Variants in UBE3D observed in about 807,000 individuals in gnomAD.
UBE3D encodes the protein E3 ubiquitin-protein ligase E3D.
In UBE3D, 48 loss-of-function variants were observed where a neutral mutation model predicts 49.6. That is an observed-to-expected ratio of 0.97 (90% CI 0.77 to 1.23). The LOEUF (loss-of-function observed/expected upper bound fraction) is 1.23, where lower values mean the gene tolerates loss of function less well. UBE3D is among the 50% of genes most tolerant of loss of function. UBE3D has a pLI of 0.00. For missense variants in UBE3D, 452 were observed against 468.4 expected, an observed-to-expected ratio of 0.96 and a Z score of 0.32; for synonymous variants, 189 against 174.2, an observed-to-expected ratio of 1.08 and a Z score of -0.67.
chr6:83,029,190 AT>A (rs1446128485), intron 5 of UBE3D, among the ~76,000 whole-genome samples: 1 of 151,798 alleles, frequency 6.6e-6, no homozygotes, highest in African/African-American at 2.4e-5. Flanking sequence ...TTTTGTATAA[AT>A]TTTTTTTCTG....
At chr6:82,971,663 ATCC>A (rs1399399815) in intron 8 of UBE3D, among the ~76,000 whole-genome samples, 1 of 152,078 alleles carries the variant, frequency 6.6e-6, no homozygotes, top group Non-Finnish European at 1.5e-5. Flanking sequence ...GCCTCAAGTG[ATCC>A]TCCTGTCTTG....
chr6:82,996,771 A>G (rs1779269618), intron 8 of UBE3D, among the ~76,000 whole-genome samples: 1 of 152,236 alleles, frequency 6.6e-6, no homozygotes, highest in Non-Finnish European at 1.5e-5. Flanking sequence ...ATGCCTAACC[A>G]ATACTCCTCA....
chr6:82,984,030 GAT>G (rs554036060), intron 8 of UBE3D, among the ~76,000 whole-genome samples: 61 of 152,172 alleles, frequency 4.0e-4, no homozygotes, highest in African/African-American at 1.4e-3. Context: ...TATGAAATCA[GAT>G]ATATTTTTAA....
intron 8 of UBE3D, among the ~76,000 whole-genome samples, chr6:82,958,146 G>A (rs1776299513): frequency 2.0e-5 from 3 of 152,218 alleles, no homozygotes; most frequent in African/African-American, 4.8e-5. Context: ...AGAAGTAAAG[G>A]GATCTGTCTG....
the UBE3D span, among the ~76,000 whole-genome samples, chr6:82,885,094 T>G: frequency 2.0e-5 from 3 of 151,988 alleles, no homozygotes; most frequent in African/African-American, 7.2e-5. Flanking sequence ...CAAAGCTGAC[T>G]GGAGATGGAA....
intron 8 of UBE3D, among the ~76,000 whole-genome samples, chr6:82,986,880 T>C (rs533395852): frequency 6.7e-6 from 1 of 149,694 alleles, no homozygotes; most frequent in Admixed American, 6.7e-5. Flanking sequence ...ATAAATTAAT[T>C]ATATTATACA....
At chr6:82,974,578 T>C (rs1777583465) in intron 8 of UBE3D, among the ~76,000 whole-genome samples, 1 of 152,178 alleles carries the variant, frequency 6.6e-6, no homozygotes, top group South Asian at 2.1e-4. Flanking sequence ...AACCCCTGAA[T>C]ATTTTCCATC....
chr6:83,047,682 T>TG (rs1783159710), intron 3 of UBE3D, among the ~76,000 whole-genome samples: 1 of 152,158 alleles, frequency 6.6e-6, no homozygotes, highest in Admixed American at 6.5e-5. Flanking sequence ...AGACCCTTGG[T>TG]GGCCACTAAA....
intron 9 of UBE3D, among the ~76,000 whole-genome samples, chr6:82,934,679 G>A (rs536458421): frequency 7.3e-5 from 11 of 151,694 alleles, no homozygotes; most frequent in African/African-American, 2.7e-4. Context: ...TTAACAAGTA[G>A]AAGAATAAGC....
rs148673566 is a variant in UBE3D at position 82,937,598 on chromosome 6, T to C, written c.1149+19714A>G. Among the ~76,000 whole-genome samples the C allele has an allele frequency of 5.1e-3, 779 of 152,254 alleles. 29 individuals carry two copies. The highest frequency in any genetic ancestry group is 0.049 in the Admixed American group (743 of 15,284). On this transcript the variant is annotated intron_variant, in intron 9 of 9. Coordinates refer to ENST00000369747, the MANE Select transcript of UBE3D (RefSeq NM_198920.3). ...AGGCTCACATTTTAGAAATCTTTCTTGGAGTAACTATACTTATAAGTAAAA... is the reference window on the plus strand; with the variant it reads ...AGGCTCACATTTTAGAAATCTTTCTCGGAGTAACTATACTTATAAGTAAAA...
intron 5 of UBE3D, chr6:83,037,545 G>C (rs1350243282): frequency 1.3e-5 from 2 of 151,894 alleles, no homozygotes; most frequent in Non-Finnish European, 2.9e-5. Context: ...TTCCTTTCTG[G>C]CTCACTGTGA....
intron 8 of UBE3D, among the ~76,000 whole-genome samples, chr6:82,984,853 C>A (rs1408669807): frequency 2.0e-4 from 30 of 151,906 alleles, no homozygotes; most frequent in Non-Finnish European, 8.8e-5. Flanking sequence ...CACTCTGTTG[C>A]CCTGGCTGGA....
intron 8 of UBE3D, among the ~76,000 whole-genome samples, chr6:83,002,913 C>T (rs1359939151): frequency 5.9e-5 from 9 of 152,250 alleles, no homozygotes; most frequent in East Asian, 5.8e-4. Context: ...TTTGTTATAG[C>T]GGCACAACAG....
At chr6:82,900,362 G>A (rs1771641586) in intron 9 of UBE3D, among the ~76,000 whole-genome samples, 1 of 152,152 alleles carries the variant, frequency 6.6e-6, no homozygotes, top group Admixed American at 6.6e-5. Flanking sequence ...TAAGAAGCAT[G>A]GCTGGTGAAG....
At chr6:82,923,495 T>A (rs748300715) in intron 9 of UBE3D, among the ~76,000 whole-genome samples, 5 of 151,632 alleles carry the variant, frequency 3.3e-5, no homozygotes, top group Non-Finnish European at 5.9e-5. Flanking sequence ...CACTCATAAG[T>A]GGGAGTTGAA....
intron 8 of UBE3D, among the ~76,000 whole-genome samples, chr6:82,964,871 T>A (rs1374194307): frequency 6.6e-6 from 1 of 152,160 alleles, no homozygotes; most frequent in East Asian, 1.9e-4. Context: ...AAATAGACCC[T>A]GAAAAAATGC....
the UBE3D span, among the ~76,000 whole-genome samples, chr6:82,886,991 ATTGAGT>A: frequency 6.6e-6 from 1 of 152,236 alleles, no homozygotes; most frequent in East Asian, 1.9e-4. Context: ...AGTGCCCTAT[ATTGAGT>A]TTATTATTCA....
intron 8 of UBE3D, among the ~76,000 whole-genome samples, chr6:82,960,091 C>T (rs1266791024): frequency 2.0e-5 from 3 of 152,164 alleles, no homozygotes; most frequent in Non-Finnish European, 2.9e-5. Context: ...GTCCACACAG[C>T]CTCATGAGAC....
Position 82,934,700 on chromosome 6 carries a change from AAAAAT to A in UBE3D, c.1149+22607_1149+22611del, listed in dbSNP as rs143058833. Among the ~76,000 whole-genome samples, 243 of 151,954 alleles carry A rather than the reference AAAAAT, an allele frequency of 1.6e-3. 2 individuals are homozygous for A. The highest frequency in any genetic ancestry group is 4.8e-3 in the African/African-American group (201 of 41,472). ...AGTAGAAGAATAAGCACTTTCAGAA[AAAAAT>A]AAAATAACAGAACCAACTAAGAATA... is the stretch of plus-strand genomic sequence containing the variant. On this transcript the variant is annotated intron_variant, in intron 9 of 9. Transcript: ENST00000369747.
Sources: gnomAD v4.1 joint callset for allele counts (sites outside exome capture counted in the v4.1 genomes callset) on GRCh38, gnomAD v4.1.1 for gene constraint, MANE v1.5 for transcripts, NCBI Gene and HGNC (gene_info 2026-07-23, HGNC 2026-07-21) for gene names.